Variants in TLE4 observed in about 807,000 individuals in gnomAD.
TLE4 encodes transducin-like enhancer protein 4.
A neutral mutation model predicts 92.8 loss-of-function variants in TLE4; 8 were observed. The ratio of observed to expected loss-of-function variants is 0.09; its 90% confidence interval spans 0.05 to 0.16. The LOEUF (loss-of-function observed/expected upper bound fraction) is 0.16, where lower values mean the gene tolerates loss of function less well. TLE4 is among the 10% of genes least tolerant of loss of function. TLE4 has a pLI of 1.00. For missense variants in TLE4, 675 were observed against 997.6 expected, an observed-to-expected ratio of 0.68 and a Z score of 4.36; for synonymous variants, 371 against 374.1, an observed-to-expected ratio of 0.99 and a Z score of 0.10.
chr9:79,637,004 A>C (rs1330447757), intron 6 of TLE4, among the ~76,000 whole-genome samples: 4 of 125,072 alleles, frequency 3.2e-5, no homozygotes, highest in Admixed American at 1.5e-4. Context: ...GGACTGGTAG[A>C]AAATATACAG....
chr9:79,614,245 C>T (rs1451616418), intron 5 of TLE4, among the ~76,000 whole-genome samples: 1 of 152,052 alleles, frequency 6.6e-6, no homozygotes, highest in Non-Finnish European at 1.5e-5. Context: ...GGGAAAAGTT[C>T]GAATTATCCC....
chr9:79,574,838 A>T (rs769136330), intron 2 of TLE4, 35 bp from the exon 3 acceptor site: 5 of 1,580,052 alleles, frequency 3.2e-6, no homozygotes, highest in Non-Finnish European at 4.3e-6. Flanking sequence ...GTAAGTTAAG[A>T]TCATTGTACT....
chr9:79,574,898 G>A lies in TLE4; in HGVS notation c.169G>A (p.Ala57Thr), dbSNP rs989319452. 8.7e-6 allele frequency: 14 copies of A among 1,613,200 alleles called. No individual in the cohort carries two copies. The highest frequency in any genetic ancestry group is 1.2e-5 in the Non-Finnish European group (14 of 1,179,494). Residue 57 changes from alanine (A) to threonine (T), a missense_variant, in exon 3 of 20, where the codon GCC becomes ACC. Transcript: ENST00000376552. Reference sequence around the variant, plus strand: ...TCTGAAGCTGGAATGTGAGAAACTCGCCAGTGAGAAGACAGAGATGCAGCG... The same window carrying A: ...TCTGAAGCTGGAATGTGAGAAACTCACCAGTGAGAAGACAGAGATGCAGCG... The part of the protein sequence containing the change: ...HSLKLECEKL[A>T]SEKTEMQRHY...
intron 4 of TLE4, among the ~76,000 whole-genome samples, chr9:79,582,573 A>C (rs1189787337): frequency 6.6e-6 from 1 of 151,052 alleles, no homozygotes; most frequent in Non-Finnish European, 1.5e-5. Context: ...AGGTAGAGGA[A>C]ACCAGTTGGG....
At chr9:79,616,815 C>T (rs2049751368) in intron 5 of TLE4, among the ~76,000 whole-genome samples, 1 of 152,086 alleles carries the variant, frequency 6.6e-6, no homozygotes, top group Non-Finnish European at 1.5e-5. Flanking sequence ...CTCTACATCA[C>T]TGTTACACCC....
intron 8 of TLE4, among the ~76,000 whole-genome samples, chr9:79,688,847 T>C (rs1159545579): frequency 6.6e-6 from 1 of 152,070 alleles, no homozygotes; most frequent in Non-Finnish European, 1.5e-5. Flanking sequence ...TGGTTGACCA[T>C]TGGTTACTTG....
intron 4 of TLE4, among the ~76,000 whole-genome samples, chr9:79,598,400 T>G (rs1296819825): frequency 6.6e-6 from 1 of 152,158 alleles, no homozygotes; most frequent in Non-Finnish European, 1.5e-5. Context: ...ACCCTTTCAC[T>G]TTTTTATTTG....
chr9:79,572,995 C>T (rs1322912968), intron 1 of TLE4, among the ~76,000 whole-genome samples, 160 bp downstream of exon 1: 1 of 152,152 alleles, frequency 6.6e-6, no homozygotes, highest in South Asian at 2.1e-4. Flanking sequence ...ACCCCCACCC[C>T]CCGGCGCGGT....
chr9:79,721,434 A>G (rs1047667333), intron 16 of TLE4, among the ~76,000 whole-genome samples: 1 of 152,308 alleles, frequency 6.6e-6, no homozygotes, highest in Non-Finnish European at 1.5e-5. Flanking sequence ...GTTAGTGCAT[A>G]TATGTGTAGG....
intron 5 of TLE4, among the ~76,000 whole-genome samples, chr9:79,618,137 T>G (rs1554716188): frequency 6.6e-6 from 1 of 152,144 alleles, no homozygotes; most frequent in Non-Finnish European, 1.5e-5. Flanking sequence ...TATGCCCCCC[T>G]AAAACTTACA....
At chr9:79,717,521 C>T (rs78789118) in intron 14 of TLE4, among the ~76,000 whole-genome samples, 6,410 of 152,264 alleles carry the variant, frequency 0.042, 175 homozygotes, top group African/African-American at 0.081. Context: ...GTCTAGTGCC[C>T]TCATCTTCCA....
chr9:79,612,092 C>T (rs1313085534), intron 4 of TLE4, among the ~76,000 whole-genome samples: 2 of 151,946 alleles, frequency 1.3e-5, no homozygotes, highest in Non-Finnish European at 2.9e-5. Flanking sequence ...TTGAAGAAAA[C>T]ATTTTGTTCT....
chr9:79,702,869 TAAC>T (rs1273232709), intron 8 of TLE4, among the ~76,000 whole-genome samples: 1 of 152,176 alleles, frequency 6.6e-6, no homozygotes. Context: ...TCAATCTTCT[TAAC>T]AATGTGCTTT....
chr9:79,578,505 C>G (rs1364953444), intron 4 of TLE4, among the ~76,000 whole-genome samples: 2 of 152,158 alleles, frequency 1.3e-5, no homozygotes, highest in East Asian at 3.8e-4. Flanking sequence ...TGTGACTTAG[C>G]AAACTGATAA....
At chr9:79,680,443 A>G (rs1382833822) in intron 8 of TLE4, among the ~76,000 whole-genome samples, 1 of 152,276 alleles carries the variant, frequency 6.6e-6, no homozygotes, top group African/African-American at 2.4e-5. Flanking sequence ...TTATTGGTGT[A>G]TAAGAATGCT....
At chr9:79,717,897 A>G (rs1335865909) in intron 14 of TLE4, 5 of 443,236 alleles carry the variant, frequency 1.1e-5, no homozygotes, top group Non-Finnish European at 1.8e-5. Context: ...GAAACCTAAC[A>G]TGCGTCACAA....
chr9:79,715,769 C>T (rs1229827431), intron 14 of TLE4, among the ~76,000 whole-genome samples: 3 of 152,154 alleles, frequency 2.0e-5, no homozygotes, highest in African/African-American at 7.2e-5. Flanking sequence ...GTATCTTCAT[C>T]ATGGTCTTGG....
intron 8 of TLE4, among the ~76,000 whole-genome samples, chr9:79,692,659 A>C (rs1360261234): frequency 6.6e-6 from 1 of 152,210 alleles, no homozygotes. Flanking sequence ...GTCTAAAAAC[A>C]AGGTGCCTCT....
At chr9:79,672,354 CGGGCAGTGAG>C (rs1166969984) in intron 8 of TLE4, among the ~76,000 whole-genome samples, 1 of 152,048 alleles carries the variant, frequency 6.6e-6, no homozygotes, top group Admixed American at 6.6e-5. Flanking sequence ...CCACTGTGGG[CGGGCAGTGAG>C]GGGCCCCTGA....
Sources: gnomAD v4.1 joint callset for allele counts (sites outside exome capture counted in the v4.1 genomes callset) on GRCh38, gnomAD v4.1.1 for gene constraint, MANE v1.5 for transcripts, NCBI Gene and HGNC (gene_info 2026-07-23, HGNC 2026-07-21) for gene names.